MACROD2: variants seen among roughly 807,000 people sequenced by gnomAD.
MACROD2 encodes the protein mono-ADP ribosylhydrolase 2.
A neutral mutation model predicts 70.4 loss-of-function variants in MACROD2; 36 were observed. That is an observed-to-expected ratio of 0.51 (90% confidence interval 0.39 to 0.68). The LOEUF (loss-of-function observed/expected upper bound fraction) is 0.68. Ranked by LOEUF, MACROD2 falls within the 30% of genes least tolerant of loss-of-function variation. MACROD2 has a pLI of 0.00. For missense variants in MACROD2, 496 were observed against 538.4 expected (o/e 0.92, Z 0.78); for synonymous variants, 172 against 178.8 (o/e 0.96, Z 0.30).
chr20:14,305,767 A>C (rs1417328753), intron 3 of MACROD2, among the ~76,000 whole-genome samples: 1 of 152,180 alleles, frequency 6.6e-6, no homozygotes, highest in East Asian at 1.9e-4. Context: ...CCAAGCTTAT[A>C]AAGTGCCCAT....
At chr20:14,403,443 C>T (rs2083659843) in intron 3 of MACROD2, among the ~76,000 whole-genome samples, 1 of 151,908 alleles carries the variant, frequency 6.6e-6, no homozygotes, top group Admixed American at 6.6e-5. Context: ...TTTTAAAAAG[C>T]CCAAAGTATA....
intron 6 of MACROD2, among the ~76,000 whole-genome samples, chr20:15,348,374 G>C (rs990306548): frequency 6.6e-6 from 1 of 152,176 alleles, no homozygotes; most frequent in African/African-American, 2.4e-5. Flanking sequence ...AACTTGTACT[G>C]TATTAAGCCT....
intron 8 of MACROD2, among the ~76,000 whole-genome samples, chr20:15,644,553 T>TTCTATTCACTA (rs1215799687): frequency 2.6e-5 from 4 of 152,206 alleles, no homozygotes; most frequent in Non-Finnish European, 5.9e-5. Context: ...GAGAATTTAC[T>TTCTATTCACTA]TCTATTCACT....
chr20:14,785,792 TC>T (rs1464880068), intron 5 of MACROD2, among the ~76,000 whole-genome samples: 1 of 152,146 alleles, frequency 6.6e-6, no homozygotes, highest in East Asian at 1.9e-4. Context: ...ACTCCTTTTA[TC>T]ATCTTTCTCT....
At chr20:15,592,991 C>A (rs866093151) in intron 8 of MACROD2, among the ~76,000 whole-genome samples, 1 of 152,120 alleles carries the variant, frequency 6.6e-6, no homozygotes, top group East Asian at 1.9e-4. Context: ...ATTTACCAAT[C>A]TGAGTGACAT....
chr20:14,974,249 A>G (rs1473710652), intron 5 of MACROD2, among the ~76,000 whole-genome samples: 2 of 152,146 alleles, frequency 1.3e-5, no homozygotes, highest in Non-Finnish European at 2.9e-5. Flanking sequence ...CCACCTCTCA[A>G]TACTGCCACT....
At chr20:14,180,357 T>C (rs891165386) in intron 3 of MACROD2, among the ~76,000 whole-genome samples, 3 of 152,202 alleles carry the variant, frequency 2.0e-5, no homozygotes, top group African/African-American at 7.2e-5. Flanking sequence ...TATTTTTTGA[T>C]ACATTCCAGG....
chr20:15,675,417 A>C lies in MACROD2; in HGVS notation c.645+175570A>C, dbSNP rs566855783. On this transcript the variant is annotated intron_variant, in intron 8 of 17. Transcript: ENST00000684519. Reference sequence around the variant, plus strand: ...AATAGCTACAATACCCAGAGCCTCTAACATGTTTAATTAAACTATTAATCT... The same window carrying C: ...AATAGCTACAATACCCAGAGCCTCTCACATGTTTAATTAAACTATTAATCT... 2.6e-3 allele frequency among the ~76,000 whole-genome samples: 397 copies of C among 152,338 alleles called. 1 individual carries two copies. The highest frequency in any genetic ancestry group is 9.1e-3 in the African/African-American group (380 of 41,584).
chr20:14,996,554 T>C (rs971989150), intron 5 of MACROD2, among the ~76,000 whole-genome samples: 1 of 151,844 alleles, frequency 6.6e-6, no homozygotes, highest in Non-Finnish European at 1.5e-5. Flanking sequence ...ATTAGGTGAG[T>C]GATCACAGTA....
At chr20:15,207,723 G>A (rs1472062655) in intron 5 of MACROD2, among the ~76,000 whole-genome samples, 1 of 151,122 alleles carries the variant, frequency 6.6e-6, no homozygotes, top group Admixed American at 6.6e-5. Flanking sequence ...TTACAGGTGT[G>A]AGCCACATCA....
chr20:14,150,385 A>T (rs1305113123), intron 3 of MACROD2, among the ~76,000 whole-genome samples: 1 of 152,206 alleles, frequency 6.6e-6, no homozygotes, highest in African/African-American at 2.4e-5. Flanking sequence ...CCAAGCTATG[A>T]CTTAAAAATC....
rs188781576 is a variant in MACROD2 at position 14,686,641 on chromosome 20, G to A, written c.418+1682G>A. Among the ~76,000 whole-genome samples, 403 of 152,152 alleles carry A rather than the reference G, an allele frequency of 2.6e-3. 1 individual carries two copies. The highest frequency in any genetic ancestry group is 9.2e-3 in the African/African-American group (383 of 41,522). ...ACATGCTGTACAGGTTTGTAGCCTG[G>A]GAGCAATAGGCTATAGCCTATAGTC... On this transcript the variant is annotated intron_variant, in intron 5 of 17. Coordinates refer to ENST00000684519, the MANE Select transcript of MACROD2 (RefSeq NM_001351661.2).
chr20:15,433,600 A>G (rs1217014820), intron 7 of MACROD2, among the ~76,000 whole-genome samples: 2 of 152,028 alleles, frequency 1.3e-5, no homozygotes, highest in Non-Finnish European at 2.9e-5. Context: ...TCCCATGCTC[A>G]TGGATGGGTA....
chr20:14,890,758 G>GAAAA (rs200756372), intron 5 of MACROD2, among the ~76,000 whole-genome samples: 3 of 135,946 alleles, frequency 2.2e-5, no homozygotes, highest in African/African-American at 8.4e-5. Context: ...TCCAAAAACA[G>GAAAA]AAAAAAAAAA....
At chr20:14,000,644 C>A (rs542456630) in intron 1 of MACROD2, among the ~76,000 whole-genome samples, 2 of 152,176 alleles carry the variant, frequency 1.3e-5, no homozygotes, top group Non-Finnish European at 2.9e-5. Context: ...AGCTGACATA[C>A]AGAGTGAAGA....
intron 3 of MACROD2, among the ~76,000 whole-genome samples, chr20:14,234,260 A>G (rs1177163131): frequency 5.3e-5 from 8 of 152,208 alleles, no homozygotes; most frequent in African/African-American, 1.9e-4. Flanking sequence ...CAATTTAAAA[A>G]AAGTTAAAAA....
At chr20:15,919,425 T>G (rs780565514) in intron 10 of MACROD2, among the ~76,000 whole-genome samples, 5 of 152,236 alleles carry the variant, frequency 3.3e-5, no homozygotes, top group Non-Finnish European at 4.4e-5. Flanking sequence ...GTTGGTTGGC[T>G]AATTGTTTCA....
intron 8 of MACROD2, among the ~76,000 whole-genome samples, chr20:15,847,505 T>G (rs911539098): frequency 2.0e-4 from 30 of 152,342 alleles, no homozygotes; most frequent in Admixed American, 1.1e-3. Flanking sequence ...GGCCTTAAAT[T>G]TTGACCTGTA....
intron 5 of MACROD2, among the ~76,000 whole-genome samples, chr20:14,926,202 C>T (rs1372618779): frequency 6.6e-6 from 1 of 151,930 alleles, no homozygotes; most frequent in Admixed American, 6.6e-5. Flanking sequence ...ATAGCTAGGG[C>T]ATTATTTAAA....
Sources: gnomAD v4.1 joint callset for allele counts (sites outside exome capture counted in the v4.1 genomes callset) on GRCh38, gnomAD v4.1.1 for gene constraint, MANE v1.5 for transcripts, NCBI Gene and HGNC (gene_info 2026-07-23, HGNC 2026-07-21) for gene names.